BMPR1B: variants seen among roughly 807,000 people sequenced by gnomAD.
BMPR1B encodes the protein bone morphogenetic protein receptor type-1B.
In BMPR1B, 12 loss-of-function variants were observed where a neutral mutation model predicts 59.1. The ratio of observed to expected loss-of-function variants is 0.20; its 90% CI spans 0.13 to 0.33. The LOEUF (loss-of-function observed/expected upper bound fraction) is 0.33. BMPR1B is among the 10% of genes least tolerant of loss of function. The pLI, the probability that BMPR1B is intolerant of heterozygous loss-of-function variation, is 1.00. For missense variants in BMPR1B, 550 were observed against 610.9 expected (o/e 0.90, Z 1.05); for synonymous variants, 237 against 207.3 (o/e 1.14, Z -1.23).
At chr4:95,119,052 A>C (rs1249369406) in intron 6 of BMPR1B, among the ~76,000 whole-genome samples, 1 of 152,202 alleles carries the variant, frequency 6.6e-6, no homozygotes, top group Non-Finnish European at 1.5e-5. Flanking sequence ...ATTTACATGG[A>C]AAGTAAAAGG....
At chr4:94,853,059 T>A (rs1035718412) in intron 1 of BMPR1B, among the ~76,000 whole-genome samples, 2 of 152,192 alleles carry the variant, frequency 1.3e-5, no homozygotes, top group African/African-American at 4.8e-5. Context: ...GCCTGGAGTT[T>A]CCAGACTCCG....
intron 3 of BMPR1B, among the ~76,000 whole-genome samples, chr4:95,034,647 A>ATATG (rs1308559352): frequency 6.6e-6 from 1 of 151,488 alleles, no homozygotes; most frequent in Non-Finnish European, 1.5e-5. Context: ...ATGTTTATAT[A>ATATG]TATATATATA....
intron 2 of BMPR1B, among the ~76,000 whole-genome samples, chr4:94,888,669 G>A (rs959186999): frequency 1.3e-4 from 20 of 152,112 alleles, no homozygotes; most frequent in South Asian, 1.0e-3. Context: ...GATGAAGCTG[G>A]GATTGAGGCA....
chr4:95,073,219 A>G (rs1273448349), intron 3 of BMPR1B, among the ~76,000 whole-genome samples: 2 of 152,148 alleles, frequency 1.3e-5, no homozygotes, highest in African/African-American at 4.8e-5. Flanking sequence ...TAGTAAGTTA[A>G]TATTTGACTT....
In BMPR1B at chr4:94,970,632, G is replaced by GT. The variant is rs535276650; in HGVS notation, c.-112-25400dup. ...CCGGCCTGTTCATTTCTGTTTTAAA[G>GT]TTTTTTTTATTTTTAATTTTTATGG... is the stretch of plus-strand genomic sequence containing the variant. On this transcript the variant is annotated intron_variant, in intron 2 of 12. Transcript: ENST00000515059. 7.5e-3 allele frequency among the ~76,000 whole-genome samples: 1,141 copies of GT among 151,936 alleles called. 10 individuals are homozygous for GT. The highest frequency in any genetic ancestry group is 0.026 in the African/African-American group (1,093 of 41,434).
At chr4:94,947,832 C>T (rs1327979317) in intron 2 of BMPR1B, among the ~76,000 whole-genome samples, 2 of 152,228 alleles carry the variant, frequency 1.3e-5, no homozygotes, top group Non-Finnish European at 2.9e-5. Flanking sequence ...CTCCTCCCAC[C>T]TGCACCACCT....
At chr4:94,970,526 T>C (rs1381154215) in intron 2 of BMPR1B, among the ~76,000 whole-genome samples, 1 of 152,154 alleles carries the variant, frequency 6.6e-6, no homozygotes, top group Non-Finnish European at 1.5e-5. Context: ...GTTGTCAGAC[T>C]GGTCAAGAAC....
chr4:95,157,314 T>A lies in BMPR1B; in HGVS notation c.*2641T>A, dbSNP rs932052284. 7.9e-5 allele frequency: 12 copies of A among 152,142 alleles called. No individual in the cohort carries two copies. The highest frequency in any genetic ancestry group is 2.2e-4 in the African/African-American group (9 of 41,448). The allele number at this position is 152,142 out of a possible 1,614,324, so 9.4% of individuals were successfully genotyped here. ...TTATGCATAGATTTTTCTCTGTATCTTACCAAAATCCACTTTACTTAGATA... is the reference window on the plus strand; with the variant it reads ...TTATGCATAGATTTTTCTCTGTATCATACCAAAATCCACTTTACTTAGATA... On this transcript the variant is annotated 3_prime_UTR_variant, in exon 13 of 13. Transcript: ENST00000515059.
intron 4 of BMPR1B, among the ~76,000 whole-genome samples, chr4:95,109,131 C>T (rs150113514): frequency 3.2e-4 from 49 of 152,268 alleles, no homozygotes; most frequent in African/African-American, 1.1e-3. Context: ...CACTTCCTCA[C>T]GCATGTTATG....
At chr4:94,908,093 A>G (rs10005671) in intron 2 of BMPR1B, among the ~76,000 whole-genome samples, 2 of 118,772 alleles carry the variant, frequency 1.7e-5, no homozygotes, top group African/African-American at 4.3e-5. Context: ...AAAAAAAAGA[A>G]AAAACAAAAA....
chr4:95,131,631 A>G, intron 10 of BMPR1B, 119 bp downstream of exon 10: 2 of 1,195,114 alleles, frequency 1.7e-6, no homozygotes, highest in African/African-American at 3.1e-5. Context: ...TTGACATTTG[A>G]CGGGGAGAAC....
At chr4:94,862,511 G>A (rs1277348756) in intron 1 of BMPR1B, among the ~76,000 whole-genome samples, 1 of 150,772 alleles carries the variant, frequency 6.6e-6, no homozygotes, top group Non-Finnish European at 1.5e-5. Flanking sequence ...AGTTTAAAAG[G>A]TTTGTGTTTA....
chr4:95,012,088 A>G (rs940174953), intron 3 of BMPR1B, among the ~76,000 whole-genome samples: 1 of 152,114 alleles, frequency 6.6e-6, no homozygotes, highest in Admixed American at 6.6e-5. Flanking sequence ...GGTGATAACT[A>G]GCCTGTCTTG....
intron 1 of BMPR1B, among the ~76,000 whole-genome samples, chr4:94,809,700 T>G (rs918429820): frequency 2.0e-5 from 3 of 152,260 alleles, no homozygotes; most frequent in African/African-American, 7.2e-5. Context: ...TAAAACACAT[T>G]TGTTTCACTC....
intron 1 of BMPR1B, among the ~76,000 whole-genome samples, chr4:94,780,599 G>A (rs558104704): frequency 6.1e-4 from 90 of 148,028 alleles, no homozygotes; most frequent in African/African-American, 2.2e-3. Context: ...CATCCAGGTT[G>A]TTTTCTAAAG....
chr4:95,071,650 G>GTATATATATATATATATATATATATA (rs1459082558), intron 3 of BMPR1B, among the ~76,000 whole-genome samples: 6 of 78,446 alleles, frequency 7.6e-5, no homozygotes, highest in East Asian at 4.0e-4. Context: ...GTGTGTGTGT[G>GTATATATATATATATATATATATATA]TGTATATATA....
At chr4:94,862,284 G>A (rs745335349) in intron 1 of BMPR1B, among the ~76,000 whole-genome samples, 6 of 151,668 alleles carry the variant, frequency 4.0e-5, no homozygotes, top group Non-Finnish European at 7.4e-5. Context: ...TGAGTAGCTG[G>A]CACTACAGGC....
At chr4:94,915,105 A>T (rs1728431903) in intron 2 of BMPR1B, among the ~76,000 whole-genome samples, 1 of 152,188 alleles carries the variant, frequency 6.6e-6, no homozygotes. Context: ...CAACCTTGAC[A>T]GGTACCAATA....
At chr4:94,863,355 T>C (rs1182176062) in intron 1 of BMPR1B, among the ~76,000 whole-genome samples, 2 of 152,190 alleles carry the variant, frequency 1.3e-5, no homozygotes, top group East Asian at 3.8e-4. Context: ...AGTTTGTGTG[T>C]AATAGAAATA....
Sources: gnomAD v4.1 joint callset for allele counts (sites outside exome capture counted in the v4.1 genomes callset) on GRCh38, gnomAD v4.1.1 for gene constraint, MANE v1.5 for transcripts, NCBI Gene and HGNC (gene_info 2026-07-23, HGNC 2026-07-21) for gene names.